HIBADH: variants seen among roughly 807,000 people sequenced by gnomAD.
HIBADH encodes the protein 3-hydroxyisobutyrate dehydrogenase, mitochondrial.
HIBADH carries 25 observed loss-of-function variants against 36.1 expected under a neutral mutation model. That is an observed-to-expected ratio of 0.69 (90% CI 0.50 to 0.97). HIBADH has a LOEUF of 0.97. Ranked by LOEUF, HIBADH falls within the 50% of genes least tolerant of loss-of-function variation. The pLI is 0.00. For missense variants in HIBADH, 421 were observed against 418.0 expected (o/e 1.01, Z -0.06); for synonymous variants, 160 against 149.5 (o/e 1.07, Z -0.51).
intron 4 of HIBADH, among the ~76,000 whole-genome samples, chr7:27,585,260 T>C (rs1184366539): frequency 8.9e-6 from 1 of 111,774 alleles, no homozygotes; most frequent in African/African-American, 3.8e-5. Flanking sequence ...TATACACACG[T>C]GTGTATGTAT....
intron 6 of HIBADH, among the ~76,000 whole-genome samples, chr7:27,537,020 C>T (rs1784079497): frequency 6.6e-6 from 1 of 152,158 alleles, no homozygotes; most frequent in Admixed American, 6.5e-5. Flanking sequence ...ACATTTTCCT[C>T]TTCCATGAAA....
intron 6 of HIBADH, among the ~76,000 whole-genome samples, chr7:27,536,332 A>AT: frequency 6.6e-6 from 1 of 152,230 alleles, no homozygotes; most frequent in Non-Finnish European, 1.5e-5. Flanking sequence ...CTTATAAATT[A>AT]TTTTTAACAG....
chr7:27,662,815 G>T lies in HIBADH; in HGVS notation c.-27C>A. 7 of 1,454,596 alleles carry T rather than the reference G, an allele frequency of 4.8e-6. No individual in the cohort carries two copies. Among genetic ancestry groups the T allele is most frequent in the Non-Finnish European group, 5.5e-6 (6 of 1,097,712 alleles). The allele number at this position is 1,454,596 out of a possible 1,614,324, so 90.1% of individuals were successfully genotyped here. ...CTGCGCCCGCCCCTCTCCCCGCGGT[G>T]ACCTCCGCCGCCTCCCGGAGGGCCC... On this transcript the variant is annotated 5_prime_UTR_variant, in exon 1 of 8. Coordinates refer to ENST00000265395, the MANE Select transcript of HIBADH (RefSeq NM_152740.4).
chr7:27,620,096 G>A (rs768673167), intron 4 of HIBADH, among the ~76,000 whole-genome samples: 4 of 152,110 alleles, frequency 2.6e-5, no homozygotes, highest in Non-Finnish European at 4.4e-5. Context: ...CAAGGTGGAG[G>A]AGCGCTTGAG....
chr7:27,651,837 TAA>T (rs1305332101), intron 1 of HIBADH, among the ~76,000 whole-genome samples: 1 of 152,070 alleles, frequency 6.6e-6, no homozygotes, highest in Non-Finnish European at 1.5e-5. Flanking sequence ...ATAAGACAGT[TAA>T]AGATAAAAAC....
At chr7:27,640,159 T>C (rs1190934990) in intron 2 of HIBADH, among the ~76,000 whole-genome samples, 1 of 152,210 alleles carries the variant, frequency 6.6e-6, no homozygotes, top group Non-Finnish European at 1.5e-5. Context: ...CAAAGAACAA[T>C]GTACAGTCAA....
At chr7:27,662,511 G>C (rs1786444259) in intron 1 of HIBADH, among the ~76,000 whole-genome samples, 187 bp downstream of exon 1, 1 of 152,222 alleles carries the variant, frequency 6.6e-6, no homozygotes, top group Non-Finnish European at 1.5e-5. Context: ...AGGGAAGGCA[G>C]AGGGGGGTAC....
intron 4 of HIBADH, among the ~76,000 whole-genome samples, chr7:27,556,551 T>A (rs1451132816): frequency 6.6e-6 from 1 of 152,212 alleles, no homozygotes; most frequent in Non-Finnish European, 1.5e-5. Context: ...TCTTACACAT[T>A]TTTTAAAACA....
At chr7:27,540,847 C>T (rs1784139250) in intron 5 of HIBADH, among the ~76,000 whole-genome samples, 1 of 152,162 alleles carries the variant, frequency 6.6e-6, no homozygotes, top group Non-Finnish European at 1.5e-5. Flanking sequence ...AAGTCAGTCC[C>T]TTACTGGCAA....
intron 4 of HIBADH, among the ~76,000 whole-genome samples, chr7:27,604,389 T>A (rs1785183296): frequency 6.6e-6 from 1 of 151,406 alleles, no homozygotes; most frequent in Admixed American, 6.6e-5. Context: ...GAATAGTAAG[T>A]ATAATTTTTA....
intron 4 of HIBADH, among the ~76,000 whole-genome samples, chr7:27,585,303 A>G (rs1392782997): frequency 1.3e-5 from 2 of 152,094 alleles, no homozygotes; most frequent in Non-Finnish European, 2.9e-5. Context: ...GTGTGTATGT[A>G]TAAAAGTTTT....
intron 4 of HIBADH, among the ~76,000 whole-genome samples, chr7:27,573,356 C>T (rs999793527): frequency 1.3e-5 from 2 of 152,174 alleles, no homozygotes; most frequent in African/African-American, 2.4e-5. Context: ...ACTACATCAT[C>T]GTCTTATCAT....
intron 4 of HIBADH, among the ~76,000 whole-genome samples, chr7:27,592,295 T>A (rs1323488428): frequency 6.6e-6 from 1 of 152,198 alleles, no homozygotes; most frequent in Non-Finnish European, 1.5e-5. Flanking sequence ...CCATTTATCT[T>A]TTTCCTCAGC....
intron 6 of HIBADH, among the ~76,000 whole-genome samples, chr7:27,532,134 T>C (rs983327591): frequency 2.0e-5 from 3 of 152,198 alleles, no homozygotes; most frequent in African/African-American, 7.2e-5. Flanking sequence ...GGCTGTTCAA[T>C]GTGGACCCTA....
At chr7:27,625,314 C>A (rs1388335837) in intron 4 of HIBADH, among the ~76,000 whole-genome samples, 3 of 152,080 alleles carry the variant, frequency 2.0e-5, no homozygotes, top group African/African-American at 7.2e-5. Context: ...ACACAGGTAC[C>A]AAGTAAGCCA....
intron 4 of HIBADH, among the ~76,000 whole-genome samples, chr7:27,549,120 G>A (rs1428426592): frequency 6.6e-6 from 1 of 152,062 alleles, no homozygotes; most frequent in African/African-American, 2.4e-5. Context: ...CACAATCAAT[G>A]TGGGTTTGCT....
At chr7:27,559,644 A>T (rs181310542) in intron 4 of HIBADH, among the ~76,000 whole-genome samples, 44 of 152,198 alleles carry the variant, frequency 2.9e-4, no homozygotes, top group Non-Finnish European at 5.3e-4. Flanking sequence ...CTCAAAAAAC[A>T]ACAATAACAA....
At chr7:27,529,882 C>T (rs558993319) in intron 7 of HIBADH, among the ~76,000 whole-genome samples, 8 of 152,220 alleles carry the variant, frequency 5.3e-5, no homozygotes, top group Non-Finnish European at 1.2e-4. Flanking sequence ...AGCCACCCAA[C>T]CTTCAGCAAC....
chr7:27,552,269 A>G (rs1295430486), intron 4 of HIBADH, among the ~76,000 whole-genome samples: 1 of 152,168 alleles, frequency 6.6e-6, no homozygotes, highest in Non-Finnish European at 1.5e-5. Context: ...GGCTTTGCAC[A>G]TGTTAGGGGT....
Sources: gnomAD v4.1 joint callset for allele counts (sites outside exome capture counted in the v4.1 genomes callset) on GRCh38, gnomAD v4.1.1 for gene constraint, MANE v1.5 for transcripts, NCBI Gene and HGNC (gene_info 2026-07-23, HGNC 2026-07-21) for gene names.